Variants in ACSL5 observed in about 807,000 individuals in gnomAD.
ACSL5 encodes the protein long-chain-fatty-acid--CoA ligase 5.
ACSL5 carries 50 observed loss-of-function variants against 84.9 expected under a neutral mutation model. The ratio of observed to expected loss-of-function variants is 0.59; its 90% confidence interval spans 0.47 to 0.75. The LOEUF (loss-of-function observed/expected upper bound fraction) is 0.75, where lower values mean the gene tolerates loss of function less well. ACSL5 is among the 30% of genes least tolerant of loss of function. The pLI, the probability that ACSL5 is intolerant of heterozygous loss-of-function variation, is 0.00. For missense variants in ACSL5, 775 were observed against 830.4 expected, an observed-to-expected ratio of 0.93 and a Z score of 0.82; for synonymous variants, 280 against 300.7, an observed-to-expected ratio of 0.93 and a Z score of 0.71.
chr10:112,384,675 T>C (rs1012016868), intron 1 of ACSL5, among the ~76,000 whole-genome samples: 10 of 152,046 alleles, frequency 6.6e-5, no homozygotes, highest in African/African-American at 1.4e-4. Context: ...GCGAGGCTAA[T>C]TTTTGTATTT....
At chr10:112,398,043 T>TAAGCC (rs1242952988) in intron 2 of ACSL5, among the ~76,000 whole-genome samples, 7 of 2,976 alleles carry the variant, frequency 2.4e-3, no homozygotes, top group African/African-American at 7.6e-3. Context: ...CCACTTTTCT[T>TAAGCC]TTTTTTTTTT....
intron 3 of ACSL5, among the ~76,000 whole-genome samples, chr10:112,400,635 C>G (rs1742036774): frequency 6.6e-6 from 1 of 152,042 alleles, no homozygotes; most frequent in Non-Finnish European, 1.5e-5. Flanking sequence ...TCCTAAACTC[C>G]TGACCTGGTG....
intron 12 of ACSL5, among the ~76,000 whole-genome samples, chr10:112,415,752 T>C (rs1341125299): frequency 6.6e-6 from 1 of 152,174 alleles, no homozygotes; most frequent in African/African-American, 2.4e-5. Context: ...ACATGGAAGA[T>C]GGATGGAGAG....
intron 3 of ACSL5, among the ~76,000 whole-genome samples, chr10:112,403,757 C>T (rs11195948): frequency 0.29 from 44,566 of 152,060 alleles, 8,005 homozygotes; most frequent in East Asian, 0.54. Flanking sequence ...ATTTTAGGGG[C>T]TCTATTCTAA....
rs1157727813 is a variant in ACSL5, at chr10:112,399,015, C to A, written c.265+6C>A. 3 of 1,609,940 alleles carry A rather than the reference C, an allele frequency of 1.9e-6. No homozygotes were observed. The highest frequency in any genetic ancestry group is 2.6e-6 in the Non-Finnish European group (3 of 1,176,332). ...AAGAGGACTCGCTGTGTCTGGTAAG[C>A]CTGGTGGTCTGTCCTTGCCTGAAGA... On this transcript the variant is annotated splice_donor_region_variant and intron_variant, in intron 3 of 20. Coordinates refer to ENST00000354655, the MANE Select transcript of ACSL5 (RefSeq NM_203379.2).
At chr10:112,386,181 CTTTTTTTTTTTTTTTTTT>C (rs11286757) in intron 1 of ACSL5, among the ~76,000 whole-genome samples, 1 of 71,832 alleles carries the variant, frequency 1.4e-5, no homozygotes, top group East Asian at 4.3e-4. Flanking sequence ...TCCTATAGCT[CTTTTTTTTTTTTTTTTTT>C]TTTTTTTTTT....
intron 12 of ACSL5, among the ~76,000 whole-genome samples, chr10:112,413,741 T>C (rs1350860240): frequency 6.6e-6 from 1 of 151,882 alleles, no homozygotes; most frequent in Non-Finnish European, 1.5e-5. Flanking sequence ...TAAATAAAAA[T>C]AAAATTAAAA....
intron 2 of ACSL5, among the ~76,000 whole-genome samples, chr10:112,398,637 T>TC (rs1040574610): frequency 2.0e-5 from 3 of 152,012 alleles, no homozygotes; most frequent in African/African-American, 7.2e-5. Context: ...ACTCCTGACC[T>TC]CAGGTGATCC....
intron 15 of ACSL5, 124 bp downstream of exon 15, chr10:112,421,789 T>C: frequency 7.5e-7 from 1 of 1,324,516 alleles, no homozygotes; most frequent in South Asian, 1.2e-5. Flanking sequence ...AAAATTCAAG[T>C]TTTGGGTCCA....
intron 10 of ACSL5, 82 bp downstream of exon 10, chr10:112,411,611 G>GACACACACACACACATACAC (rs1844179701): frequency 1.7e-6 from 2 of 1,146,854 alleles, no homozygotes; most frequent in Non-Finnish European, 2.5e-6. Context: ...AGAGCAGGCA[G>GACACACACACACACATACAC]ACACACACAC....
chr10:112,427,243 A>G lies in ACSL5; in HGVS notation c.1937A>G (p.Glu646Gly). The change falls in exon 21 of 21, where the codon GAG (glutamate) becomes GGG (glycine). Residue 646 changes from glutamate to glycine, a missense_variant. Glu to Gly is a moderately conservative substitution (Grantham distance 98, BLOSUM62 -2). Transcript: ENST00000354655. ...GTCAAAGCCATTTTTCTTCATCCAGAGCCATTTTCCATTGAAAATGGGCTC... is the reference window on the plus strand; with the variant it reads ...GTCAAAGCCATTTTTCTTCATCCAGGGCCATTTTCCATTGAAAATGGGCTC... ...EQVKAIFLHP[E>G]PFSIENGLLT... 1 of 1,612,780 alleles carries G rather than the reference A, an allele frequency of 6.2e-7. No homozygotes were observed. The highest frequency in any genetic ancestry group is 8.5e-7 in the Non-Finnish European group (1 of 1,179,588).
At chr10:112,401,828 CTTTCTTT>C in intron 3 of ACSL5, among the ~76,000 whole-genome samples, 1 of 108,852 alleles carries the variant, frequency 9.2e-6, no homozygotes, top group African/African-American at 3.3e-5. Flanking sequence ...TTCTTTCTTT[CTTTCTTT>C]CTTTCTTCCT....
At chr10:112,379,437 G>T (rs1197725901) in intron 1 of ACSL5, among the ~76,000 whole-genome samples, 2 of 151,848 alleles carry the variant, frequency 1.3e-5, no homozygotes, top group Non-Finnish European at 2.9e-5. Flanking sequence ...AAGAGATGAG[G>T]GCTTGTTAAA....
Position 112,427,181 on chromosome 10 carries a change from A to T in ACSL5, c.1912-37A>T, listed in dbSNP as rs1483683803. 1.9e-6 allele frequency: 3 copies of T among 1,581,838 alleles called. No individual in the cohort carries two copies. The Admixed American group carries it at 5.5e-5, about 29-fold the overall frequency. On this transcript the variant is annotated intron_variant, in intron 20 of 20. Coordinates refer to ENST00000354655, the MANE Select transcript of ACSL5 (RefSeq NM_203379.2). ...GGGGCTCTGCAGAGAAGTCCAAATC[A>T]CTAATGAGCATGGATGTGTGTGTGT...
At chr10:112,410,550 A>G (rs781457608) in intron 8 of ACSL5, 34 bp from the exon 9 acceptor site, 10 of 1,614,048 alleles carry the variant, frequency 6.2e-6, no homozygotes, top group South Asian at 1.1e-5. Flanking sequence ...CTCAAAGTTC[A>G]TGGTGGAATA....
intron 12 of ACSL5, among the ~76,000 whole-genome samples, chr10:112,414,151 A>T (rs1844257743): frequency 6.6e-6 from 1 of 152,068 alleles, no homozygotes; most frequent in African/African-American, 2.4e-5. Flanking sequence ...CAGAATGGTG[A>T]TTTCTGTAAT....
chr10:112,423,038 A>T (rs1017685738), intron 17 of ACSL5, among the ~76,000 whole-genome samples: 1 of 143,524 alleles, frequency 7.0e-6, no homozygotes, highest in African/African-American at 2.6e-5. Context: ...AATACAAAAA[A>T]TTAGCTGGGC....
intron 20 of ACSL5, 108 bp from the exon 21 acceptor site, chr10:112,427,110 T>C: frequency 8.4e-7 from 1 of 1,184,900 alleles, no homozygotes; most frequent in Non-Finnish European, 1.2e-6. Flanking sequence ...ACTGTTACCT[T>C]TACCCTTTCA....
intron 12 of ACSL5, among the ~76,000 whole-genome samples, chr10:112,414,346 G>T (rs1589693625): frequency 7.1e-6 from 1 of 140,410 alleles, no homozygotes; most frequent in African/African-American, 2.6e-5. Context: ...TTTAATTTCA[G>T]TGATTCTTTT....
Sources: allele counts gnomAD v4.1 joint callset (sites outside exome capture counted in the v4.1 genomes callset), GRCh38; gene constraint gnomAD v4.1.1; transcripts MANE v1.5; gene names NCBI Gene and HGNC (gene_info 2026-07-23, HGNC 2026-07-21).